The following CCSER1 variants were observed in gnomAD, a reference collection of about 807,000 sequenced individuals.
CCSER1 encodes the protein serine-rich coiled-coil domain-containing protein 1.
In CCSER1, 41 loss-of-function variants were observed where a neutral mutation model predicts 82.0. The observed-to-expected ratio is 0.50, with a 90% CI of 0.39 to 0.65. The LOEUF (loss-of-function observed/expected upper bound fraction) is 0.65. CCSER1 is among the 30% of genes least tolerant of loss of function. The pLI is 0.00. For synonymous variants in CCSER1, 414 were observed against 383.9 expected, an observed-to-expected ratio of 1.08 and a Z score of -0.92; for missense variants, 1,119 against 1,064.2, an observed-to-expected ratio of 1.05 and a Z score of -0.72.
intron 10 of CCSER1, among the ~76,000 whole-genome samples, chr4:91,365,696 G>A (rs1223023231): frequency 6.6e-6 from 1 of 152,044 alleles, no homozygotes; most frequent in Non-Finnish European, 1.5e-5. Context: ...CATTTAGGGA[G>A]TCAATACTAA....
intron 10 of CCSER1, among the ~76,000 whole-genome samples, chr4:91,395,393 AAAG>A (rs1195271760): frequency 6.6e-6 from 1 of 152,040 alleles, no homozygotes; most frequent in Non-Finnish European, 1.5e-5. Flanking sequence ...AGTTTCTGGT[AAAG>A]AAGGAGTGTA....
intron 9 of CCSER1, among the ~76,000 whole-genome samples, chr4:90,986,521 TAG>T (rs1050050094): frequency 5.9e-5 from 9 of 151,780 alleles, no homozygotes; most frequent in Non-Finnish European, 1.0e-4. Flanking sequence ...CTGGATCAGT[TAG>T]AGAGATCTCT....
intron 10 of CCSER1, among the ~76,000 whole-genome samples, chr4:91,144,798 G>A (rs1729386590): frequency 6.6e-6 from 1 of 151,442 alleles, no homozygotes; most frequent in Non-Finnish European, 1.5e-5. Context: ...TTGATTTCTA[G>A]TTTTTTTTCT....
chr4:91,138,772 C>T lies in CCSER1; in HGVS notation c.2217+52778C>T, dbSNP rs533538065. On this transcript the variant is annotated intron_variant, in intron 10 of 10. Coordinates refer to ENST00000509176, the MANE Select transcript of CCSER1 (RefSeq NM_001145065.2). ...ACAAACAACCCCATCAAAAAGTGGG[C>T]GAAGGACATGAACAGACACTTCTCA... 7.6e-3 allele frequency among the ~76,000 whole-genome samples: 1,135 copies of T among 148,690 alleles called. 17 individuals carry two copies. Among genetic ancestry groups the T allele is most frequent in the African/African-American group, 0.026 (1,049 of 40,260 alleles).
At chr4:90,854,519 A>AT (rs1764244262) in intron 8 of CCSER1, among the ~76,000 whole-genome samples, 1 of 152,116 alleles carries the variant, frequency 6.6e-6, no homozygotes. Flanking sequence ...TCAGGAAATG[A>AT]TTTTTTAATG....
At chr4:91,116,178 G>A (rs1273878102) in intron 10 of CCSER1, among the ~76,000 whole-genome samples, 3 of 151,936 alleles carry the variant, frequency 2.0e-5, no homozygotes, top group African/African-American at 7.3e-5. Flanking sequence ...CAACCCAAAT[G>A]TTCAACAATG....
At chr4:91,553,194 C>T (rs1762242722) in intron 10 of CCSER1, among the ~76,000 whole-genome samples, 1 of 151,376 alleles carries the variant, frequency 6.6e-6, no homozygotes, top group Non-Finnish European at 1.5e-5. Context: ...TGTGTTAGAT[C>T]ACATTTTTTG....
intron 9 of CCSER1, among the ~76,000 whole-genome samples, chr4:90,978,604 T>C (rs1393070193): frequency 6.6e-6 from 1 of 151,802 alleles, no homozygotes; most frequent in Non-Finnish European, 1.5e-5. Flanking sequence ...TAAATAATTC[T>C]GTAGACTGAA....
chr4:90,295,993 A>G (rs1334096583), intron 1 of CCSER1, among the ~76,000 whole-genome samples: 2 of 151,942 alleles, frequency 1.3e-5, no homozygotes. Flanking sequence ...CTCCAATGGA[A>G]GATATAATTA....
At chr4:90,766,567 C>T (rs1423175702) in intron 7 of CCSER1, among the ~76,000 whole-genome samples, 2 of 151,970 alleles carry the variant, frequency 1.3e-5, no homozygotes, top group Non-Finnish European at 2.9e-5. Flanking sequence ...TTGCCAGAGC[C>T]CAGAAGTTCC....
intron 10 of CCSER1, among the ~76,000 whole-genome samples, chr4:91,379,816 C>T (rs1352114542): frequency 1.3e-5 from 2 of 152,114 alleles, no homozygotes; most frequent in Non-Finnish European, 2.9e-5. Flanking sequence ...CTCTTGCTTT[C>T]TAGTTCTTTT....
intron 9 of CCSER1, among the ~76,000 whole-genome samples, chr4:90,993,514 A>T (rs545014229): frequency 7.9e-5 from 12 of 151,464 alleles, no homozygotes; most frequent in Non-Finnish European, 1.5e-4. Context: ...AAGCTTCTTC[A>T]TCAATATATT....
At chr4:90,224,212 G>A (rs1030973436) in intron 1 of CCSER1, among the ~76,000 whole-genome samples, 2 of 152,072 alleles carry the variant, frequency 1.3e-5, no homozygotes, top group East Asian at 1.9e-4. Flanking sequence ...ATCAGAAGAC[G>A]GAGAAAAGGC....
At chr4:90,861,921 TATA>T (rs1464289246) in intron 8 of CCSER1, among the ~76,000 whole-genome samples, 11 of 111,230 alleles carry the variant, frequency 9.9e-5, no homozygotes, top group African/African-American at 3.0e-4. Flanking sequence ...TATATATATA[TATA>T]TATTTTTTTT....
chr4:91,168,036 G>A (rs1183445131), intron 10 of CCSER1, among the ~76,000 whole-genome samples: 1 of 150,626 alleles, frequency 6.6e-6, no homozygotes, highest in Non-Finnish European at 1.5e-5. Context: ...CCCCATCTGG[G>A]AAGTGAGGGG....
chr4:91,395,279 T>C (rs930649124), intron 10 of CCSER1, among the ~76,000 whole-genome samples: 1 of 152,070 alleles, frequency 6.6e-6, no homozygotes, highest in African/African-American at 2.4e-5. Context: ...GCAAACATGC[T>C]GGAGGTCTCA....
intron 4 of CCSER1, 44 bp from the exon 5 acceptor site, chr4:90,468,190 A>G (rs994221411): frequency 6.5e-7 from 1 of 1,549,702 alleles, no homozygotes; most frequent in South Asian, 1.3e-5. Context: ...AGACTAGTTC[A>G]TAAATAATTT....
chr4:91,178,993 C>G (rs1733711146), intron 10 of CCSER1, among the ~76,000 whole-genome samples: 1 of 152,268 alleles, frequency 6.6e-6, no homozygotes, highest in East Asian at 1.9e-4. Flanking sequence ...CAAGGCAGGC[C>G]TGGTGGTGAC....
chr4:90,902,086 C>G (rs1302387739), intron 8 of CCSER1, among the ~76,000 whole-genome samples: 1 of 151,528 alleles, frequency 6.6e-6, no homozygotes, highest in Non-Finnish European at 1.5e-5. Flanking sequence ...TTAAAGCTTT[C>G]AATTGTATTT....
Sources: allele counts gnomAD v4.1 joint callset (sites outside exome capture counted in the v4.1 genomes callset), GRCh38; gene constraint gnomAD v4.1.1; transcripts MANE v1.5; gene names NCBI Gene and HGNC (gene_info 2026-07-23, HGNC 2026-07-21).